The following APPBP2 variants were observed in gnomAD, a reference collection of about 807,000 sequenced individuals.
The protein encoded by APPBP2 is amyloid beta precursor protein binding protein 2.
A neutral mutation model predicts 76.0 loss-of-function variants in APPBP2; 15 were observed. The observed-to-expected ratio is 0.20, with a 90% CI of 0.13 to 0.30. The LOEUF is 0.30. Ranked by LOEUF, APPBP2 falls within the 10% of genes least tolerant of loss-of-function variation. The probability of loss-of-function intolerance (pLI) is 1.00; values close to 1 mark genes in which losing one functional copy is unlikely to be tolerated. For missense variants in APPBP2, 401 were observed against 687.2 expected, an observed-to-expected ratio of 0.58 and a Z score of 4.66; for synonymous variants, 222 against 242.2, an observed-to-expected ratio of 0.92 and a Z score of 0.77.
intron 4 of APPBP2, among the ~76,000 whole-genome samples, chr17:60,475,230 AAAAC>A (rs2090580952): frequency 6.6e-6 from 1 of 151,888 alleles, no homozygotes; most frequent in African/African-American, 2.4e-5. Flanking sequence ...CATCTCAAAA[AAAAC>A]AAAAACAAAA....
At chr17:60,450,736 C>CA (rs1306505945) in intron 12 of APPBP2, among the ~76,000 whole-genome samples, 1 of 147,576 alleles carries the variant, frequency 6.8e-6, no homozygotes, top group Non-Finnish European at 1.5e-5. Context: ...CCCTGATGTG[C>CA]ACTCCAGCCT....
At chr17:60,489,604 A>G (rs2090709254) in intron 3 of APPBP2, among the ~76,000 whole-genome samples, 2 of 132,196 alleles carry the variant, frequency 1.5e-5, no homozygotes, top group Admixed American at 7.5e-5. Context: ...GAGTGGGACC[A>G]TGTCTCAAAA....
intron 3 of APPBP2, among the ~76,000 whole-genome samples, chr17:60,482,294 T>C (rs887552866): frequency 6.6e-6 from 1 of 151,940 alleles, no homozygotes. Flanking sequence ...TTTAAAAACA[T>C]ATTCCTGTTA....
chr17:60,476,045 C>T (rs2090588680), intron 4 of APPBP2, among the ~76,000 whole-genome samples: 1 of 152,176 alleles, frequency 6.6e-6, no homozygotes, highest in Non-Finnish European at 1.5e-5. Context: ...GGGTTATAGA[C>T]AACAATTTTC....
intron 9 of APPBP2, chr17:60,459,377 T>C (rs1014424675): frequency 2.0e-5 from 3 of 152,254 alleles, no homozygotes; most frequent in Non-Finnish European, 4.4e-5. Flanking sequence ...AATTATGTTT[T>C]GTGAGGCTTC....
At chr17:60,516,227 A>T (rs2090962450) in intron 1 of APPBP2, among the ~76,000 whole-genome samples, 2 of 152,154 alleles carry the variant, frequency 1.3e-5, no homozygotes, top group South Asian at 2.1e-4. Flanking sequence ...ATCCAATCTG[A>T]TTCCAAGGTT....
At chr17:60,498,898 T>G (rs993292120) in intron 2 of APPBP2, among the ~76,000 whole-genome samples, 13 of 152,042 alleles carry the variant, frequency 8.6e-5, no homozygotes, top group African/African-American at 3.1e-4. Context: ...AGATTTATAT[T>G]GGTACTATAC....
chr17:60,481,207 G>T (rs1207359958), intron 3 of APPBP2, among the ~76,000 whole-genome samples: 1 of 152,108 alleles, frequency 6.6e-6, no homozygotes, highest in Non-Finnish European at 1.5e-5. Context: ...CCAAGCCATA[G>T]GTATGGTAGC....
chr17:60,479,927 G>A (rs112223205), intron 3 of APPBP2, among the ~76,000 whole-genome samples: 107 of 152,214 alleles, frequency 7.0e-4, no homozygotes, highest in African/African-American at 2.3e-3. Flanking sequence ...CAACGTAACA[G>A]ATGAAAACAC....
At chr17:60,508,530 C>G (rs1460535879) in intron 1 of APPBP2, among the ~76,000 whole-genome samples, 1 of 152,196 alleles carries the variant, frequency 6.6e-6, no homozygotes, top group African/African-American at 2.4e-5. Context: ...GTTTATACCT[C>G]TGAATGGTTT....
At chr17:60,476,675 G>A (rs950751121) in intron 4 of APPBP2, among the ~76,000 whole-genome samples, 1 of 152,100 alleles carries the variant, frequency 6.6e-6, no homozygotes, top group African/African-American at 2.4e-5. Context: ...TTTGTTCCTT[G>A]GTCCAGACAA....
At chr17:60,486,599 G>A (rs1598360359) in intron 3 of APPBP2, among the ~76,000 whole-genome samples, 1 of 152,094 alleles carries the variant, frequency 6.6e-6, no homozygotes, top group African/African-American at 2.4e-5. Flanking sequence ...CTGCATGTGA[G>A]ATGGGTCTCC....
At chr17:60,453,737 C>T (rs1217786103) in intron 11 of APPBP2, among the ~76,000 whole-genome samples, 1 of 151,880 alleles carries the variant, frequency 6.6e-6, no homozygotes, top group African/African-American at 2.4e-5. Context: ...TGGGATTTCC[C>T]TATATTGACC....
intron 1 of APPBP2, among the ~76,000 whole-genome samples, chr17:60,523,814 T>C (rs950105846): frequency 6.6e-6 from 1 of 152,210 alleles, no homozygotes; most frequent in African/African-American, 2.4e-5. Flanking sequence ...TAATCTACTA[T>C]CTTAAGATAG....
chr17:60,494,306 ATGTATAGTATAATGCTTTG>A (rs2090755373), intron 3 of APPBP2, among the ~76,000 whole-genome samples, 141 bp downstream of exon 3: 1 of 152,222 alleles, frequency 6.6e-6, no homozygotes, highest in South Asian at 2.1e-4. Context: ...TACTATTTAA[ATGTATAGTATAATGCTTTG>A]GCATGGGGTT....
Position 60,460,708 on chromosome 17 carries a change from G to C in APPBP2, c.1016C>G (p.Ser339Cys). ...AGAGCTATACTGGTGGACATAAGAA[G>C]AGTAGGCCAAATCTTCATGAGCTGT... ...VATAHEDLAY[S>C]SYVHQYSSGK... Residue 339 changes from serine to cysteine, a missense_variant, in exon 9 of 13, where the codon TCT (serine) becomes TGT (cysteine). By Grantham distance (112) the Ser-to-Cys change is moderately radical (BLOSUM62 -1). Transcript: ENST00000083182. The C allele has an allele frequency of 1.2e-6, 2 of 1,613,774 alleles. No individual in the cohort carries two copies. Among genetic ancestry groups the C allele is most frequent in the Non-Finnish European group, 1.7e-6 (2 of 1,179,790 alleles).
At chr17:60,488,167 G>A (rs536374954) in intron 3 of APPBP2, among the ~76,000 whole-genome samples, 11 of 152,246 alleles carry the variant, frequency 7.2e-5, no homozygotes, top group Non-Finnish European at 1.5e-4. Flanking sequence ...TAGGCTACAC[G>A]GGGGTCAGGG....
At chr17:60,462,961 A>T (rs1315944095) in intron 6 of APPBP2, among the ~76,000 whole-genome samples, 1 of 151,586 alleles carries the variant, frequency 6.6e-6, no homozygotes. Context: ...AAAAAAAAAA[A>T]AAGAAAAAAA....
At chr17:60,478,037 T>C (rs2090603432) in intron 4 of APPBP2, among the ~76,000 whole-genome samples, 1 of 152,010 alleles carries the variant, frequency 6.6e-6, no homozygotes, top group Non-Finnish European at 1.5e-5. Context: ...AATGGTTTTA[T>C]AGGAGAATAT....
Sources: gnomAD v4.1 joint callset for allele counts (sites outside exome capture counted in the v4.1 genomes callset) on GRCh38, gnomAD v4.1.1 for gene constraint, MANE v1.5 for transcripts, NCBI Gene and HGNC (gene_info 2026-07-23, HGNC 2026-07-21) for gene names.